Variants in TBC1D4 observed in about 807,000 individuals in gnomAD.
TBC1D4 encodes TBC1 domain family member 4, also known as TBC (Tre-2, BUB2, CDC16) domain-containing protein.
Under a neutral mutation model 142.5 loss-of-function variants are expected in TBC1D4, and 121 were observed. The ratio of observed to expected loss-of-function variants is 0.85; its 90% CI spans 0.73 to 0.99. The LOEUF (loss-of-function observed/expected upper bound fraction) is 0.99, where lower values mean the gene tolerates loss of function less well. TBC1D4 is among the 50% of genes least tolerant of loss of function. TBC1D4 has a pLI of 0.00. For missense variants in TBC1D4, 1,475 were observed against 1,606.6 expected (o/e 0.92, Z 1.40); for synonymous variants, 630 against 628.2 (o/e 1.00, Z -0.04).
chr13:75,398,722 T>C (rs1023680570), intron 1 of TBC1D4, among the ~76,000 whole-genome samples: 1 of 152,166 alleles, frequency 6.6e-6, no homozygotes, highest in Non-Finnish European at 1.5e-5. Context: ...CAAAAGATTT[T>C]TACAGTATAA....
intron 14 of TBC1D4, among the ~76,000 whole-genome samples, 180 bp from the exon 15 acceptor site, chr13:75,306,651 T>C (rs1453401278): frequency 6.6e-6 from 1 of 152,218 alleles, no homozygotes; most frequent in East Asian, 1.9e-4. Flanking sequence ...TTTGAGTCAT[T>C]TCATGTGAGA....
chr13:75,407,183 C>T (rs1885388053), intron 1 of TBC1D4, among the ~76,000 whole-genome samples: 1 of 152,170 alleles, frequency 6.6e-6, no homozygotes, highest in Non-Finnish European at 1.5e-5. Flanking sequence ...TCATCTCCTG[C>T]ACATCTACGT....
intron 14 of TBC1D4, 31 bp downstream of exon 14, chr13:75,309,911 T>A: frequency 6.2e-7 from 1 of 1,608,984 alleles, no homozygotes; most frequent in South Asian, 1.1e-5. Flanking sequence ...AATCATAGCA[T>A]CATAGCATTT....
chr13:75,342,042 A>G (rs1217310580), intron 5 of TBC1D4, among the ~76,000 whole-genome samples: 1 of 152,152 alleles, frequency 6.6e-6, no homozygotes, highest in African/African-American at 2.4e-5. Context: ...TACTAAAAAT[A>G]CAAAAATTAG....
chr13:75,360,564 GT>G (rs935858119), intron 2 of TBC1D4, among the ~76,000 whole-genome samples: 4 of 145,178 alleles, frequency 2.8e-5, no homozygotes, highest in African/African-American at 7.5e-5. Context: ...TCAGGGGTGT[GT>G]TTTTTTTTAA....
chr13:75,443,429 A>G (rs1887137845), intron 1 of TBC1D4, among the ~76,000 whole-genome samples: 1 of 152,230 alleles, frequency 6.6e-6, no homozygotes, highest in Non-Finnish European at 1.5e-5. Flanking sequence ...AGTGTGGGTA[A>G]GATCAGGGAA....
In TBC1D4 at chr13:75,362,671, G is replaced by A; in HGVS notation, c.499-64C>T. ...TTTTGAGACAATTTACATTTACCTA[G>A]CCCAATTATTACCACATGGAATGTA... On this transcript the variant is annotated intron_variant, in intron 1 of 20. Coordinates refer to ENST00000377636, the MANE Select transcript of TBC1D4 (RefSeq NM_014832.5). The surrounding 1 kb of genome is among the most constrained non-coding windows in gnomAD (Gnocchi z 4.2). 6.5e-7 allele frequency: 1 copy of A among 1,539,196 alleles called. No individual in the cohort carries two copies. The highest frequency in any genetic ancestry group is 2.2e-5 in the East Asian group (1 of 44,546).
intron 1 of TBC1D4, among the ~76,000 whole-genome samples, chr13:75,400,644 T>TTC (rs1885045049): frequency 6.6e-6 from 1 of 150,974 alleles, no homozygotes; most frequent in African/African-American, 2.4e-5. Context: ...TTTTTTTTTT[T>TTC]TTAGTAGAGA....
intron 15 of TBC1D4, among the ~76,000 whole-genome samples, chr13:75,305,743 A>G (rs1258883465): frequency 6.6e-6 from 1 of 152,194 alleles, no homozygotes; most frequent in Non-Finnish European, 1.5e-5. Context: ...TGCAACTAAA[A>G]GTTGACTTAT....
chr13:75,306,276 T>C lies in TBC1D4; in HGVS notation c.2752+37A>G, dbSNP rs182577521. The C allele has an allele frequency of 9.6e-6, 15 of 1,562,430 alleles. No homozygotes were observed. The East Asian group carries it at 2.7e-4, about 28-fold the overall frequency. On this transcript the variant is annotated intron_variant, in intron 15 of 20. Transcript: ENST00000377636. ...AAAAAAAAAATCCCCCAGGCTTTTC[T>C]TTAAAAAACAAAAATTACTGAGATT...
rs373225108 is a variant in TBC1D4, at chr13:75,481,683, C to A, written c.85G>T (p.Gly29Trp). Residue 29 changes from glycine to tryptophan, a missense_variant, in exon 1 of 21, where the codon GGG becomes TGG. By Grantham distance (184) the Gly-to-Trp change is radical (BLOSUM62 -2). This residue lies in a region of TBC1D4 where 1,227 missense variants were observed against 1,267.7 expected (regional missense o/e 0.97). Coordinates refer to ENST00000377636, the MANE Select transcript of TBC1D4 (RefSeq NM_014832.5). ...CGGAACCGCTTATCGCTTGGCTTCC[C>A]GGGGCCGGGCTGAGCTGAGACGCCC... ...EPGVSAQPGP[G>W]KPSDKRFRLW... 4 of 1,600,136 alleles carry A rather than the reference C, an allele frequency of 2.5e-6. No homozygotes were observed. The East Asian group carries it at 6.7e-5, about 27-fold the overall frequency.
intron 14 of TBC1D4, 80 bp downstream of exon 14, chr13:75,309,862 T>A: frequency 7.2e-7 from 1 of 1,398,202 alleles, no homozygotes; most frequent in Non-Finnish European, 1.0e-6. Context: ...GCGGATAGTA[T>A]GTATGGGGAG....
chr13:75,362,583 T>G lies in TBC1D4; in HGVS notation c.523A>C (p.Arg175=), dbSNP rs1882629539. Residue 175 remains arginine (R), a synonymous_variant, in exon 2 of 21, where the codon AGG becomes CGG. Transcript: ENST00000377636. This position sits in a 1 kb window ranked among gnomAD's most constrained non-coding sequence, Gnocchi z 4.2. The stretch of plus-strand genomic sequence containing the variant: ...TTCATGGCCGCTTTAGATAATTGCC[T>G]TATGCTGCTAATAACATCAGGAACC... ...SQVPDVISSI[R]QLSKAAMKED... The G allele has an allele frequency of 2.5e-6, 4 of 1,614,132 alleles. No homozygotes were observed. In the East Asian group the frequency reaches 8.9e-5, roughly 36 times the overall value.
chr13:75,427,714 G>A (rs143940794), intron 1 of TBC1D4, among the ~76,000 whole-genome samples: 1 of 152,220 alleles, frequency 6.6e-6, no homozygotes, highest in East Asian at 1.9e-4. Flanking sequence ...CACTAGACTT[G>A]CAAGATCCTG....
At chr13:75,302,873 AT>A in intron 15 of TBC1D4, 1 of 208,692 alleles carries the variant, frequency 4.8e-6, no homozygotes, top group Admixed American at 5.3e-5. Flanking sequence ...CCAAATCCTG[AT>A]ATCCCAAAGT....
intron 1 of TBC1D4, among the ~76,000 whole-genome samples, chr13:75,390,277 CA>C (rs36168056): frequency 0.044 from 4,897 of 112,204 alleles, 226 homozygotes; most frequent in African/African-American, 0.14. Flanking sequence ...GAGACTCCGT[CA>C]AAAAAAAAAA....
intron 5 of TBC1D4, among the ~76,000 whole-genome samples, chr13:75,345,539 G>A (rs1452956425): frequency 1.5e-4 from 23 of 152,042 alleles, no homozygotes; most frequent in Admixed American, 1.5e-3. Context: ...GAGATTTTGG[G>A]AAGGGCCCTA....
At chr13:75,461,730 T>C (rs1464144426) in intron 1 of TBC1D4, among the ~76,000 whole-genome samples, 1 of 152,230 alleles carries the variant, frequency 6.6e-6, no homozygotes, top group African/African-American at 2.4e-5. Context: ...TTGAGACATT[T>C]TGTTAAAGAA....
At chr13:75,331,340 T>A (rs565609867) in intron 8 of TBC1D4, among the ~76,000 whole-genome samples, 3 of 151,194 alleles carry the variant, frequency 2.0e-5, no homozygotes, top group African/African-American at 4.9e-5. Flanking sequence ...CAAAAAAAAA[T>A]AAAAATAAAA....
Sources: allele counts gnomAD v4.1 joint callset (sites outside exome capture counted in the v4.1 genomes callset), GRCh38; gene constraint gnomAD v4.1.1; regional missense constraint gnomAD v4.1.1; non-coding constraint Gnocchi (gnomAD v3.1); transcripts MANE v1.5; gene names NCBI Gene and HGNC (gene_info 2026-07-23, HGNC 2026-07-21).